PPP2CB: variants seen among roughly 807,000 people sequenced by gnomAD.
PPP2CB encodes protein phosphatase 2 catalytic subunit beta.
A neutral mutation model predicts 39.1 loss-of-function variants in PPP2CB; 18 were observed. The ratio of observed to expected loss-of-function variants is 0.46; its 90% CI spans 0.32 to 0.68. PPP2CB has a LOEUF of 0.68. Among genes scored for constraint, PPP2CB ranks in the 30% least tolerant of loss-of-function variants. The pLI is 0.04. For missense variants in PPP2CB, 226 were observed against 396.9 expected (o/e 0.57, Z 3.66); for synonymous variants, 129 against 133.8 (o/e 0.96, Z 0.25).
At chr8:30,786,937 T>C (rs1351898381) in intron 6 of PPP2CB, among the ~76,000 whole-genome samples, 1 of 152,154 alleles carries the variant, frequency 6.6e-6, no homozygotes, top group Admixed American at 6.5e-5. Context: ...AGTGCTGGGA[T>C]TACAGGCGTG....
At chr8:30,811,797 C>T (rs1243055246) in intron 1 of PPP2CB, among the ~76,000 whole-genome samples, 1 of 152,188 alleles carries the variant, frequency 6.6e-6, no homozygotes, top group Non-Finnish European at 1.5e-5. Context: ...CCACCACGCC[C>T]GGCTTGAGTT....
chr8:30,791,431 C>T (rs553690715), intron 5 of PPP2CB, 116 bp from the exon 6 acceptor site: 1 of 713,106 alleles, frequency 1.4e-6, no homozygotes, highest in African/African-American at 1.8e-5. Flanking sequence ...ATGTAGTCGT[C>T]TATATTACTA....
intron 5 of PPP2CB, 127 bp from the exon 6 acceptor site, chr8:30,791,442 T>C (rs1806426592): frequency 1.5e-6 from 1 of 680,478 alleles, no homozygotes; most frequent in Non-Finnish European, 2.5e-6. Context: ...TATATTACTA[T>C]ATAAGGTCTC....
chr8:30,807,028 C>G (rs1172503480), intron 1 of PPP2CB, among the ~76,000 whole-genome samples: 1 of 152,176 alleles, frequency 6.6e-6, no homozygotes, highest in East Asian at 1.9e-4. Context: ...GGTTTAATTT[C>G]TTTACCTGTC....
intron 3 of PPP2CB, among the ~76,000 whole-genome samples, chr8:30,795,941 C>A (rs1453482015): frequency 6.6e-6 from 1 of 152,022 alleles, no homozygotes; most frequent in East Asian, 1.9e-4. Flanking sequence ...ACTATTATTT[C>A]TTTTCTAGTA....
At chr8:30,806,062 T>G (rs1806719434) in intron 1 of PPP2CB, among the ~76,000 whole-genome samples, 1 of 151,280 alleles carries the variant, frequency 6.6e-6, no homozygotes, top group Admixed American at 6.6e-5. Flanking sequence ...TTTTTTTTTT[T>G]TTTGAGATGG....
At chr8:30,804,527 CTTACT>C (rs796091942) in intron 1 of PPP2CB, among the ~76,000 whole-genome samples, 26 of 152,290 alleles carry the variant, frequency 1.7e-4, no homozygotes, top group African/African-American at 6.0e-4. Flanking sequence ...TTTCCCTTGG[CTTACT>C]TTAAATTGTA....
chr8:30,795,480 T>G (rs553081912), intron 3 of PPP2CB, among the ~76,000 whole-genome samples: 1 of 152,344 alleles, frequency 6.6e-6, no homozygotes, highest in East Asian at 1.9e-4. Context: ...CTTAATATTA[T>G]TATTTTATAA....
chr8:30,790,596 C>A (rs1806413782), intron 6 of PPP2CB, among the ~76,000 whole-genome samples: 1 of 152,316 alleles, frequency 6.6e-6, no homozygotes. Flanking sequence ...GGTTTATAAG[C>A]AGGTGCTGGG....
chr8:30,794,545 C>T, intron 3 of PPP2CB: 1 of 361,734 alleles, frequency 2.8e-6, no homozygotes, highest in Admixed American at 4.5e-5. Flanking sequence ...TTGGTACCTA[C>T]CATTAAATTT....
intron 6 of PPP2CB, among the ~76,000 whole-genome samples, chr8:30,787,914 T>A (rs1412324978): frequency 6.6e-6 from 1 of 152,166 alleles, no homozygotes; most frequent in Non-Finnish European, 1.5e-5. Flanking sequence ...ATTTCTTGAG[T>A]CAGTTTCAGT....
At chr8:30,808,049 C>G (rs1462389242) in intron 1 of PPP2CB, among the ~76,000 whole-genome samples, 1 of 152,140 alleles carries the variant, frequency 6.6e-6, no homozygotes, top group African/African-American at 2.4e-5. Flanking sequence ...TTGCAACTAC[C>G]TCAAAATAGG....
At chr8:30,793,829 G>A (rs1349324357) in intron 5 of PPP2CB, 88 bp downstream of exon 5, 2 of 1,374,732 alleles carry the variant, frequency 1.5e-6, no homozygotes, top group South Asian at 1.8e-5. Flanking sequence ...TAAATGGTGA[G>A]GAATGTTTCT....
chr8:30,785,810 A>G lies in PPP2CB; in HGVS notation c.*425T>C. ...TTCAGTTAAGTTAATTATACATTTC[A>G]ATAAAATAAAGGATAATGGATTAGT... On this transcript the variant is annotated 3_prime_UTR_variant, in exon 7 of 7. Transcript: ENST00000221138. The G allele has an allele frequency of 6.5e-6, 2 of 307,332 alleles. No homozygotes were observed. The highest frequency in any genetic ancestry group is 5.6e-5 in the South Asian group (2 of 35,932). 19.0% of individuals were successfully genotyped at this position (307,332 alleles called of 1,614,324 possible). A position where few individuals can be genotyped will look rare whatever the true frequency, so the allele number is the denominator to read the frequency against.
intron 4 of PPP2CB, 45 bp from the exon 5 acceptor site, chr8:30,794,123 T>A: frequency 6.2e-7 from 1 of 1,604,946 alleles, no homozygotes. Flanking sequence ...TTATCAGTCA[T>A]ACTTTATCAT....
At chr8:30,795,772 A>AT (rs1394252549) in intron 3 of PPP2CB, among the ~76,000 whole-genome samples, 2 of 152,190 alleles carry the variant, frequency 1.3e-5, no homozygotes, top group Non-Finnish European at 2.9e-5. Context: ...AATAACTGGT[A>AT]TTTTACTATA....
In PPP2CB at chr8:30,785,947, T is replaced by C. The variant is rs1249524339; in HGVS notation, c.*288A>G. 5.4e-6 allele frequency: 3 copies of C among 552,818 alleles called. No homozygotes were observed. The highest frequency in any genetic ancestry group is 1.9e-5 in the African/African-American group (1 of 53,450). 34.2% of individuals were successfully genotyped at this position (552,818 alleles called of 1,614,324 possible). On this transcript the variant is annotated 3_prime_UTR_variant, in exon 7 of 7. Transcript: ENST00000221138. The stretch of plus-strand genomic sequence containing the variant: ...ATAAGCGCAAAAGGAGATGAAGCAG[T>C]TAGTTACCTTTTTTGCTTGAACAGT...
In PPP2CB at chr8:30,812,510, C is replaced by G; in HGVS notation, c.-89G>C. 1.1e-6 allele frequency: 1 copy of G among 943,782 alleles called. No homozygotes were observed. The highest frequency in any genetic ancestry group is 2.2e-5 in the South Asian group (1 of 45,610). 58.5% of individuals were successfully genotyped at this position (943,782 alleles called of 1,614,324 possible). A position where few individuals can be genotyped will look rare whatever the true frequency, so the allele number is the denominator to read the frequency against. On this transcript the variant is annotated 5_prime_UTR_variant, in exon 1 of 7. Coordinates refer to ENST00000221138, the MANE Select transcript of PPP2CB (RefSeq NM_001009552.2). The stretch of plus-strand genomic sequence containing the variant: ...CCGCCCCCGGCCCCGGCCCGGGCGC[C>G]GCTCCCCTCTCCCTCCGCCGCCGTC...
chr8:30,787,321 GTT>G, intron 6 of PPP2CB, among the ~76,000 whole-genome samples: 1 of 152,288 alleles, frequency 6.6e-6, no homozygotes, highest in East Asian at 1.9e-4. Flanking sequence ...TTTTGGAAGT[GTT>G]TGTGAAGGAT....
Sources: allele counts gnomAD v4.1 joint callset (sites outside exome capture counted in the v4.1 genomes callset), GRCh38; gene constraint gnomAD v4.1.1; transcripts MANE v1.5; gene names NCBI Gene and HGNC (gene_info 2026-07-23, HGNC 2026-07-21).